TPTE2: variants seen among roughly 807,000 people sequenced by gnomAD.
The protein encoded by TPTE2 is transmembrane phosphoinositide 3-phosphatase and tensin homolog 2.
In TPTE2, 53 loss-of-function variants were observed where a neutral mutation model predicts 78.6. The observed-to-expected ratio is 0.67, with a 90% confidence interval of 0.54 to 0.85. The LOEUF (loss-of-function observed/expected upper bound fraction) is 0.85. TPTE2 is among the 40% of genes least tolerant of loss of function. TPTE2 has a pLI of 0.00. For synonymous variants in TPTE2, 175 were observed against 206.2 expected, an observed-to-expected ratio of 0.85 and a Z score of 1.30; for missense variants, 461 against 623.0, an observed-to-expected ratio of 0.74 and a Z score of 2.77.
chr13:19,431,334 T>A (rs113889408), intron 16 of TPTE2, among the ~76,000 whole-genome samples: 1 of 152,084 alleles, frequency 6.6e-6, no homozygotes, highest in African/African-American at 2.4e-5. Context: ...CAAAAATTCC[T>A]GTGGTGTTCA....
intron 13 of TPTE2, among the ~76,000 whole-genome samples, chr13:19,439,714 A>G (rs1245595110): frequency 6.6e-6 from 1 of 152,178 alleles, no homozygotes; most frequent in East Asian, 1.9e-4. Context: ...AAACTTCTAC[A>G]TCAATCCAGG....
chr13:19,499,126 C>T (rs1197701794), intron 1 of TPTE2, among the ~76,000 whole-genome samples: 1 of 152,196 alleles, frequency 6.6e-6, no homozygotes, highest in Middle Eastern at 3.2e-3. Context: ...GCACCCAATA[C>T]AGGAGCACCA....
At chr13:19,446,769 T>C (rs895669309) in intron 13 of TPTE2, among the ~76,000 whole-genome samples, 7 of 152,126 alleles carry the variant, frequency 4.6e-5, no homozygotes, top group Non-Finnish European at 8.8e-5. Context: ...AGTGAGACCC[T>C]GTCTCTATAA....
chr13:19,503,401 C>A, upstream of TPTE2: 1 of 992,428 alleles, frequency 1.0e-6, no homozygotes, highest in Non-Finnish European at 1.5e-6. Flanking sequence ...ATGTGTATAG[C>A]ACTATTTGGT....
intron 3 of TPTE2, among the ~76,000 whole-genome samples, chr13:19,492,153 G>T (rs1566062997): frequency 6.6e-6 from 1 of 152,058 alleles, no homozygotes; most frequent in Non-Finnish European, 1.5e-5. Flanking sequence ...TCACATGACT[G>T]GGAAAACCCT....
intron 19 of TPTE2, among the ~76,000 whole-genome samples, chr13:19,424,577 G>A (rs1458309038): frequency 6.6e-6 from 1 of 152,132 alleles, no homozygotes; most frequent in South Asian, 2.1e-4. Context: ...AAAAGTTGAT[G>A]GTGGTTCGTC....
the TPTE2 span, chr13:19,560,775 C>A: frequency 1.4e-6 from 2 of 1,467,092 alleles, no homozygotes; most frequent in Non-Finnish European, 9.3e-7. Flanking sequence ...GGAAGGGCAG[C>A]GGGTCCACCT....
intron 17 of TPTE2, among the ~76,000 whole-genome samples, chr13:19,426,909 T>C (rs1172143571): frequency 6.6e-6 from 1 of 151,812 alleles, no homozygotes; most frequent in African/African-American, 2.4e-5. Flanking sequence ...TTCACTGTAT[T>C]AGCCAGGCTG....
chr13:19,552,660 T>C, the TPTE2 span: 5 of 673,342 alleles, frequency 7.4e-6, no homozygotes, highest in Non-Finnish European at 1.3e-5. Flanking sequence ...GGGTTGTTCA[T>C]TGACTGTGGC....
At chr13:19,534,160 T>C (rs1039258794) in intron 1 of TPTE2, among the ~76,000 whole-genome samples, 20 of 152,172 alleles carry the variant, frequency 1.3e-4, no homozygotes, top group African/African-American at 4.3e-4. Flanking sequence ...CAGCCTACAG[T>C]TGGGCAAAAT....
intron 19 of TPTE2, among the ~76,000 whole-genome samples, chr13:19,424,020 T>TA (rs1311972699): frequency 2.6e-5 from 4 of 152,218 alleles, no homozygotes; most frequent in African/African-American, 9.6e-5. Flanking sequence ...CAAAATCCAT[T>TA]AAATGTTTTG....
chr13:19,442,164 C>T (rs1185557499), intron 13 of TPTE2, among the ~76,000 whole-genome samples: 2 of 151,904 alleles, frequency 1.3e-5, no homozygotes, highest in East Asian at 1.9e-4. Context: ...ACAATATCAA[C>T]CAAATTCTGG....
At chr13:19,530,126 A>C (rs1342710492) in intron 1 of TPTE2, among the ~76,000 whole-genome samples, 2 of 152,214 alleles carry the variant, frequency 1.3e-5, no homozygotes, top group Non-Finnish European at 2.9e-5. Context: ...CTTGGGATAT[A>C]CTGAGGAAAG....
chr13:19,480,991 T>C (rs1483823548), intron 4 of TPTE2, among the ~76,000 whole-genome samples: 3 of 152,214 alleles, frequency 2.0e-5, no homozygotes, highest in African/African-American at 7.2e-5. Flanking sequence ...CCATGAAATA[T>C]TACACAACTG....
At chr13:19,425,767 T>G (rs1288560540) in intron 18 of TPTE2, 1 of 515,918 alleles carries the variant, frequency 1.9e-6, no homozygotes, top group Non-Finnish European at 3.9e-6. Flanking sequence ...CTCCCACCCA[T>G]CAGTCGAGCA....
At chr13:19,428,196 C>T (rs1403316300) in intron 17 of TPTE2, among the ~76,000 whole-genome samples, 1 of 152,106 alleles carries the variant, frequency 6.6e-6, no homozygotes, top group African/African-American at 2.4e-5. Flanking sequence ...AGCCTGTAAT[C>T]CCAGCACTTT....
intron 1 of TPTE2, among the ~76,000 whole-genome samples, chr13:19,521,360 T>TC (rs1870140280): frequency 6.6e-6 from 1 of 151,636 alleles, no homozygotes; most frequent in African/African-American, 2.4e-5. Context: ...TCTGTTTTTT[T>TC]TCTGCTTTTT....
chr13:19,500,595 C>A (rs1868435712), intron 1 of TPTE2, among the ~76,000 whole-genome samples: 1 of 152,202 alleles, frequency 6.6e-6, no homozygotes, highest in South Asian at 2.1e-4. Context: ...TGACAAAATT[C>A]AACATCCCTT....
intron 4 of TPTE2, among the ~76,000 whole-genome samples, chr13:19,476,282 G>A (rs1879933329): frequency 6.6e-6 from 1 of 151,752 alleles, no homozygotes; most frequent in African/African-American, 2.4e-5. Flanking sequence ...TTACCTTATG[G>A]CTGGAGACAA....
Sources: allele counts gnomAD v4.1 joint callset (sites outside exome capture counted in the v4.1 genomes callset), GRCh38; gene constraint gnomAD v4.1.1; transcripts MANE v1.5; gene names NCBI Gene and HGNC (gene_info 2026-07-23, HGNC 2026-07-21).